Variants in ZNF708 observed in about 807,000 individuals in gnomAD.
The protein encoded by ZNF708 is ZNF15, ZNF15L1.
A neutral mutation model predicts 47.0 loss-of-function variants in ZNF708; 44 were observed. That is an observed-to-expected ratio of 0.94 (90% CI 0.74 to 1.20). The LOEUF (loss-of-function observed/expected upper bound fraction) is 1.20. Among genes scored for constraint, ZNF708 ranks in the 50% most tolerant of loss-of-function variants. The pLI is 0.00. For synonymous variants in ZNF708, 184 were observed against 218.5 expected, an observed-to-expected ratio of 0.84 and a Z score of 1.39; for missense variants, 557 against 656.0, an observed-to-expected ratio of 0.85 and a Z score of 1.65.
chr19:21,305,234 C>T (rs987309270), intron 3 of ZNF708, among the ~76,000 whole-genome samples: 5 of 151,648 alleles, frequency 3.3e-5, no homozygotes, highest in African/African-American at 7.3e-5. Context: ...TGGTCTCGAT[C>T]TCTTGACCTT....
chr19:21,321,617 G>A (rs544572512), intron 1 of ZNF708, among the ~76,000 whole-genome samples: 27 of 132,194 alleles, frequency 2.0e-4, no homozygotes, highest in Non-Finnish European at 3.4e-4. Context: ...AGGGAAGGGA[G>A]AGGATGGGGA....
intron 1 of ZNF708, among the ~76,000 whole-genome samples, chr19:21,311,557 A>G (rs1199857500): frequency 1.3e-5 from 2 of 152,156 alleles, no homozygotes; most frequent in Non-Finnish European, 2.9e-5. Context: ...GCAAAGTTCA[A>G]GATAAACATA....
At position 21,307,397 on chromosome 19, in the gene ZNF708, G is replaced by A. The variant is rs868599794; in HGVS notation, c.226+1849C>T. Among the ~76,000 whole-genome samples the A allele has an allele frequency of 1.6e-4, 25 of 151,940 alleles. No homozygotes were observed. In the Middle Eastern group the frequency reaches 0.01, roughly 62 times the overall value. ...TCCCAGCACTTTGGGAAGCTGAGGC[G>A]GGTGGATCACAAGGTCAGGAGTTCA... On this transcript the variant is annotated intron_variant, in intron 3 of 3. Transcript: ENST00000356929.
chr19:21,313,496 A>C (rs1231981915), intron 1 of ZNF708, among the ~76,000 whole-genome samples: 1 of 152,068 alleles, frequency 6.6e-6, no homozygotes, highest in Non-Finnish European at 1.5e-5. Flanking sequence ...GCGGTGGTTC[A>C]TGCTTGTAAT....
At chr19:21,312,281 G>A (rs557038108) in intron 1 of ZNF708, among the ~76,000 whole-genome samples, 5 of 124,216 alleles carry the variant, frequency 4.0e-5, no homozygotes, top group Middle Eastern at 3.9e-3. Context: ...GTGACAGAGC[G>A]ACACTCCATC....
chr19:21,305,621 G>C (rs779054928), intron 3 of ZNF708, among the ~76,000 whole-genome samples: 21 of 151,580 alleles, frequency 1.4e-4, no homozygotes, highest in Non-Finnish European at 2.6e-4. Flanking sequence ...ACCACGCCCA[G>C]CTAATTTTCG....
intron 3 of ZNF708, among the ~76,000 whole-genome samples, chr19:21,307,615 C>A (rs904825098): frequency 6.6e-6 from 1 of 150,970 alleles, no homozygotes; most frequent in Non-Finnish European, 1.5e-5. Flanking sequence ...GAGTGAGACT[C>A]AGTTTCGGAA....
chr19:21,325,166 T>C lies in ZNF708; in HGVS notation c.3+4044A>G, dbSNP rs1457545137. ...TGCCAAAAGCAATCTACAAATTCAGTGCAATCCTTATCAAAATACCACCAT... is the reference window on the plus strand; with the variant it reads ...TGCCAAAAGCAATCTACAAATTCAGCGCAATCCTTATCAAAATACCACCAT... On this transcript the variant is annotated intron_variant, in intron 1 of 3. Transcript: ENST00000356929. Among the ~76,000 whole-genome samples the C allele has an allele frequency of 3.9e-5, 6 of 152,126 alleles. No homozygotes were observed. In the East Asian group the frequency reaches 1.2e-3, roughly 29 times the overall value.
chr19:21,325,947 C>G (rs1013514060), intron 1 of ZNF708, among the ~76,000 whole-genome samples: 1 of 152,072 alleles, frequency 6.6e-6, no homozygotes, highest in South Asian at 2.1e-4. Context: ...AAATGGCCAA[C>G]AAACATATGA....
rs1449166240 is a variant in ZNF708, at chr19:21,310,609, C to T, written c.22G>A (p.Asp8Asn). ...TCCAGAGAGAATTCTATGGCCACAT[C>T]CATAAATGTCAATGGTCCCTGAAAA... MGPLTFM[D>N]VAIEFSLEEW... Residue 8 changes from aspartate (D) to asparagine (N), a missense_variant, in exon 2 of 4, where the codon GAT becomes AAT. By Grantham distance (23) the Asp-to-Asn change is conservative (BLOSUM62 1). Coordinates refer to ENST00000356929, the MANE Select transcript of ZNF708 (RefSeq NM_021269.3). 1.5e-5 allele frequency: 23 copies of T among 1,540,526 alleles called. No homozygotes were observed. Among genetic ancestry groups the T allele is most frequent in the Admixed American group, 1.9e-5 (1 of 53,244 alleles).
intron 1 of ZNF708, 75 bp from the exon 2 acceptor site, chr19:21,310,702 T>G (rs1427120513): frequency 5.5e-6 from 7 of 1,275,624 alleles, no homozygotes. Flanking sequence ...CAAGGTGAAA[T>G]GAGAGAGTAA....
At chr19:21,301,224 C>A (rs1568347188) in intron 3 of ZNF708, among the ~76,000 whole-genome samples, 1 of 152,066 alleles carries the variant, frequency 6.6e-6, no homozygotes, top group Non-Finnish European at 1.5e-5. Flanking sequence ...CCCCTGTAAT[C>A]CCAGCACTTT....
At position 21,294,192 on chromosome 19, in the gene ZNF708, G is replaced by A. The variant is rs760813198; in HGVS notation, c.774C>T (p.Gly258=). The change falls in exon 4 of 4, where the codon GGC becomes GGT. Residue 258 remains glycine, a synonymous_variant. Transcript: ENST00000356929. The stretch of plus-strand genomic sequence containing the variant: ...GGTTTGAGGACCGGTTAAAAGCTTT[G>A]CCACATTCTTCACATTTGTAGAGTT... ...GEKLYKCEEC[G]KAFNRSSNLT... The A allele has an allele frequency of 4.3e-6, 7 of 1,611,620 alleles. No homozygotes were observed. The highest frequency in any genetic ancestry group is 1.7e-5 in the Admixed American group (1 of 59,868).
At chr19:21,313,617 T>C (rs1972946258) in intron 1 of ZNF708, among the ~76,000 whole-genome samples, 2 of 151,596 alleles carry the variant, frequency 1.3e-5, no homozygotes, top group Non-Finnish European at 1.5e-5. Context: ...AATTAGCTAG[T>C]CATGGTGGTG....
intron 1 of ZNF708, among the ~76,000 whole-genome samples, chr19:21,327,073 A>AT (rs1973271590): frequency 6.6e-6 from 1 of 152,122 alleles, no homozygotes; most frequent in African/African-American, 2.4e-5. Context: ...ATTAATATTA[A>AT]TTTTTTCTGA....
intron 1 of ZNF708, among the ~76,000 whole-genome samples, chr19:21,326,959 AT>A (rs1973268098): frequency 6.6e-6 from 1 of 151,708 alleles, no homozygotes; most frequent in South Asian, 2.1e-4. Context: ...ATACATATAT[AT>A]TTGATTATAT....
chr19:21,306,735 G>A (rs1453759274), intron 3 of ZNF708: 1 of 152,072 alleles, frequency 6.6e-6, no homozygotes, highest in Non-Finnish European at 1.5e-5. Flanking sequence ...ACAAGGTCGA[G>A]AATTCGAGAC....
At position 21,326,106 on chromosome 19, in the gene ZNF708, T is replaced by C. The variant is rs372364431; in HGVS notation, c.3+3104A>G. Among the ~76,000 whole-genome samples the C allele has an allele frequency of 3.0e-4, 45 of 152,300 alleles. 1 individual carries two copies. The South Asian group carries it at 9.1e-3, about 31-fold the overall frequency. ...GTGGTGAACAGGGAACACTTCTACA[T>C]TGCTGGTGGGAATGTAAACTAGAAA... On this transcript the variant is annotated intron_variant, in intron 1 of 3. Transcript: ENST00000356929.
intron 3 of ZNF708, among the ~76,000 whole-genome samples, chr19:21,297,266 ATATATTTTTT>A (rs1340813965): frequency 1.3e-4 from 2 of 14,858 alleles, no homozygotes; most frequent in African/African-American, 2.1e-4. Flanking sequence ...ATATATATAT[ATATATTTTTT>A]TTTTTTTTTT....
Sources: allele counts gnomAD v4.1 joint callset (sites outside exome capture counted in the v4.1 genomes callset), GRCh38; gene constraint gnomAD v4.1.1; transcripts MANE v1.5; gene names NCBI Gene and HGNC (gene_info 2026-07-23, HGNC 2026-07-21).